Variants in TCERG1 observed in about 807,000 individuals in gnomAD.
TCERG1 encodes the protein TATA box binding protein (TBP)-associated factor, RNA polymerase II, S, 150kD.
A neutral mutation model predicts 144.7 loss-of-function variants in TCERG1; 37 were observed. The ratio of observed to expected loss-of-function variants is 0.26; its 90% CI spans 0.20 to 0.34. The LOEUF is 0.34. Ranked by LOEUF, TCERG1 falls within the 10% of genes least tolerant of loss-of-function variation. The pLI is 1.00. For synonymous variants in TCERG1, 492 were observed against 458.2 expected (o/e 1.07, Z -0.94); for missense variants, 1,027 against 1,380.7 (o/e 0.74, Z 4.06).
intron 21 of TCERG1, among the ~76,000 whole-genome samples, chr5:146,508,511 C>G (rs897006696): frequency 6.6e-6 from 1 of 152,182 alleles, no homozygotes; most frequent in African/African-American, 2.4e-5. Flanking sequence ...TCTTCCCCCT[C>G]AAAGTCTATT....
Position 146,498,557 on chromosome 5 carries a change from A to C in TCERG1, c.2304A>C (p.Ala768=). Residue 768 remains alanine (A), a synonymous_variant, in exon 17 of 23, where the codon GCA becomes GCC. Coordinates refer to ENST00000679501, the MANE Select transcript of TCERG1 (RefSeq NM_001382548.1). ...FNPRATFSEF[A]AKHAKDSRFK... ...ACAGAGCAACTTTTAGTGAATTTGC[A>C]GCCAAGCATGCTAAAGATTCAAGAT... 1 of 1,604,896 alleles carries C rather than the reference A, an allele frequency of 6.2e-7. No homozygotes were observed. Among genetic ancestry groups the C allele is most frequent in the African/African-American group, 1.3e-5 (1 of 74,364 alleles).
chr5:146,466,030 A>AAAAG (rs1054062223), intron 5 of TCERG1, among the ~76,000 whole-genome samples: 1 of 152,018 alleles, frequency 6.6e-6, no homozygotes, highest in African/African-American at 2.4e-5. Context: ...CAAAAAAAAA[A>AAAAG]AAAAAAAAGA....
Position 146,459,054 on chromosome 5 carries a change from T to TCAGGCC in TCERG1, c.615_620dup (p.Ala241_Gln242dup). The stretch of plus-strand genomic sequence containing the variant: ...CGCAGGCTCAGGCCCAGGCACAAGC[T>TCAGGCC]CAGGCCCAGGCTCAGGCTCAGGCCC... On this transcript the variant is annotated inframe_insertion, in exon 4 of 23. Transcript: ENST00000679501. 3 of 1,598,420 alleles carry TCAGGCC rather than the reference T, an allele frequency of 1.9e-6. No homozygotes were observed. Among genetic ancestry groups the TCAGGCC allele is most frequent in the African/African-American group, 1.4e-5 (1 of 72,796 alleles).
chr5:146,507,585 T>A lies in TCERG1; in HGVS notation c.2962-288T>A. 1 of 332,182 alleles carries A rather than the reference T, an allele frequency of 3.0e-6. No individual in the cohort carries two copies. The highest frequency in any genetic ancestry group is 1.0e-4 in the South Asian group (1 of 10,032). The allele number at this position is 332,182 out of a possible 1,614,324, so 20.6% of individuals were successfully genotyped here. ...TGTTCCTTTTTATTTGCTCTCTTTTTGGTGATGGTTTCTTCAGAAGTTATG... is the reference window on the plus strand; with the variant it reads ...TGTTCCTTTTTATTTGCTCTCTTTTAGGTGATGGTTTCTTCAGAAGTTATG... On this transcript the variant is annotated intron_variant, in intron 20 of 22. Transcript: ENST00000679501. This position sits in a 1 kb window ranked among gnomAD's most constrained non-coding sequence, Gnocchi z 4.6.
intron 19 of TCERG1, among the ~76,000 whole-genome samples, chr5:146,505,939 G>A (rs936108515): frequency 3.3e-5 from 5 of 152,030 alleles, no homozygotes; most frequent in South Asian, 2.1e-4. Flanking sequence ...ACCACACACA[G>A]CTCATTTTTG....
chr5:146,476,957 T>A (rs1448485631), intron 9 of TCERG1, among the ~76,000 whole-genome samples: 1 of 151,964 alleles, frequency 6.6e-6, no homozygotes, highest in Admixed American at 6.6e-5. Context: ...AGATGGAGGG[T>A]CTCACTTTGT....
At chr5:146,453,473 T>C (rs1001322249) in intron 1 of TCERG1, among the ~76,000 whole-genome samples, 5 of 152,248 alleles carry the variant, frequency 3.3e-5, no homozygotes, top group African/African-American at 4.8e-5. Flanking sequence ...CAGTATTTTC[T>C]AAGAATAGAG....
At chr5:146,506,143 G>A (rs1767971920) in intron 19 of TCERG1, among the ~76,000 whole-genome samples, 1 of 152,128 alleles carries the variant, frequency 6.6e-6, no homozygotes, top group Non-Finnish European at 1.5e-5. Context: ...TAATCTTATT[G>A]CAAAGCACGG....
At chr5:146,470,032 T>C (rs1231848637) in intron 7 of TCERG1, among the ~76,000 whole-genome samples, 2 of 152,242 alleles carry the variant, frequency 1.3e-5, no homozygotes, top group Non-Finnish European at 2.9e-5. Flanking sequence ...ATAATTATTG[T>C]AATCATCATT....
intron 9 of TCERG1, among the ~76,000 whole-genome samples, chr5:146,473,850 T>A (rs1451782629): frequency 6.6e-6 from 1 of 152,210 alleles, no homozygotes; most frequent in Non-Finnish European, 1.5e-5. Flanking sequence ...AAAGCACCTC[T>A]TCACCCAAGA....
intron 15 of TCERG1, 112 bp from the exon 16 acceptor site, chr5:146,492,808 A>T (rs1766550487): frequency 2.8e-6 from 2 of 711,728 alleles, no homozygotes; most frequent in Non-Finnish European, 4.7e-6. Flanking sequence ...AATTATCTAC[A>T]GTTAATATAT....
At chr5:146,447,475 C>T in intron 1 of TCERG1, 67 bp downstream of exon 1, 2 of 1,554,992 alleles carry the variant, frequency 1.3e-6, no homozygotes, top group Non-Finnish European at 1.7e-6. Flanking sequence ...GCTAGACCTG[C>T]CATGTGGAGA....
intron 12 of TCERG1, chr5:146,480,419 C>T (rs1233085878): frequency 5.6e-6 from 1 of 178,204 alleles, no homozygotes; most frequent in Non-Finnish European, 1.2e-5. Context: ...GATACCATTC[C>T]AGAGATCTCA....
chr5:146,483,677 T>C (rs763827495), intron 15 of TCERG1, 48 bp downstream of exon 15: 2 of 1,448,368 alleles, frequency 1.4e-6, no homozygotes, highest in East Asian at 4.6e-5. Flanking sequence ...CTTGCCAACA[T>C]AGTTTTTAAA....
chr5:146,457,350 A>G lies in TCERG1; in HGVS notation c.438+15A>G, dbSNP rs1762914823. On this transcript the variant is annotated intron_variant, in intron 3 of 22. Coordinates refer to ENST00000679501, the MANE Select transcript of TCERG1 (RefSeq NM_001382548.1). ...CAGATGGGAAGGTAAATAATAAAATATATTTAAGTTGTCATTTGTTGACAG... is the reference window on the plus strand; with the variant it reads ...CAGATGGGAAGGTAAATAATAAAATGTATTTAAGTTGTCATTTGTTGACAG... 3.1e-6 allele frequency: 5 copies of G among 1,593,996 alleles called. No individual in the cohort carries two copies. Among genetic ancestry groups the G allele is most frequent in the South Asian group, 2.3e-5 (2 of 88,870 alleles).
chr5:146,455,781 G>T (rs1366163098), intron 2 of TCERG1, among the ~76,000 whole-genome samples: 2 of 152,068 alleles, frequency 1.3e-5, no homozygotes, highest in Non-Finnish European at 2.9e-5. Context: ...TCCCCTGGGG[G>T]GAAAATAGGG....
At chr5:146,498,247 T>C (rs1767113817) in intron 16 of TCERG1, among the ~76,000 whole-genome samples, 1 of 152,110 alleles carries the variant, frequency 6.6e-6, no homozygotes, top group South Asian at 2.1e-4. Flanking sequence ...GATGAGCTCT[T>C]GTCTCTTGAG....
At position 146,455,249 on chromosome 5, in the gene TCERG1, A is replaced by T; in HGVS notation, c.253A>T (p.Ile85Leu). Residue 85 changes from isoleucine to leucine, a missense_variant, in exon 2 of 23, where the codon ATA (isoleucine) becomes TTA (leucine). Physicochemically the swap from Ile to Leu is conservative, Grantham distance 5 (BLOSUM62 2). Around this residue, in one of 6 missense-constraint regions of TCERG1, gnomAD observed 175 missense variants for 197.0 expected, o/e 0.89. Transcript: ENST00000679501. Reference protein sequence around the residue: ...NMPPMPPPGGIPPPMGPPHLQ... With the variant: ...NMPPMPPPGGLPPPMGPPHLQ... ...GCCGCCAATGCCTCCTCCAGGAGGG[A>T]TACCTCCACCTATGGGCCCTCCACA... is the stretch of plus-strand genomic sequence containing the variant. 6.2e-7 allele frequency: 1 copy of T among 1,614,168 alleles called. No individual in the cohort carries two copies. Among genetic ancestry groups the T allele is most frequent in the Non-Finnish European group, 8.5e-7 (1 of 1,180,030 alleles).
rs774130852 is a variant in TCERG1 at position 146,479,913 on chromosome 5, T to G, written c.1819+2T>G. The G allele has an allele frequency of 6.2e-7, 1 of 1,612,956 alleles. No individual in the cohort carries two copies. The highest frequency in any genetic ancestry group is 8.5e-7 in the Non-Finnish European group (1 of 1,179,326). On this transcript the variant is annotated splice_donor_variant, in intron 11 of 22. Transcript: ENST00000679501. LOFTEE classifies it high-confidence loss of function. ...AGTGGCAATTCTCTATGAGTGCAAG[T>G]GAGTGAACTAACCATAAATTGCAGC...
Sources: allele counts gnomAD v4.1 joint callset (sites outside exome capture counted in the v4.1 genomes callset), GRCh38; gene constraint gnomAD v4.1.1; regional missense constraint gnomAD v4.1.1; non-coding constraint Gnocchi (gnomAD v3.1); transcripts MANE v1.5; gene names NCBI Gene and HGNC (gene_info 2026-07-23, HGNC 2026-07-21).